NR3C2: variants seen among roughly 807,000 people sequenced by gnomAD.
The protein encoded by NR3C2 is mineralocorticoid receptor.
In NR3C2, 15 loss-of-function variants were observed where a neutral mutation model predicts 86.4. The ratio of observed to expected loss-of-function variants is 0.17; its 90% CI spans 0.12 to 0.27. NR3C2 has a LOEUF of 0.27. Among genes scored for constraint, NR3C2 ranks in the 10% least tolerant of loss-of-function variants. The pLI is 1.00. For missense variants in NR3C2, 960 were observed against 1,195.6 expected, an observed-to-expected ratio of 0.80 and a Z score of 2.91; for synonymous variants, 458 against 450.5, an observed-to-expected ratio of 1.02 and a Z score of -0.21.
chr4:148,140,487 T>G (rs1421808134), intron 6 of NR3C2, among the ~76,000 whole-genome samples: 1 of 152,212 alleles, frequency 6.6e-6, no homozygotes, highest in African/African-American at 2.4e-5. Flanking sequence ...TGAGCCGTTG[T>G]GCTACTACAC....
intron 8 of NR3C2, among the ~76,000 whole-genome samples, chr4:148,104,342 G>GATTTGGTT (rs1731686588): frequency 4.7e-5 from 3 of 63,794 alleles, no homozygotes; most frequent in African/African-American, 1.7e-4. Context: ...TTTTGGTTTG[G>GATTTGGTT]TTTTTTTTTT....
intron 2 of NR3C2, among the ~76,000 whole-genome samples, chr4:148,373,995 C>A (rs865788790): frequency 6.6e-6 from 1 of 152,158 alleles, no homozygotes; most frequent in Non-Finnish European, 1.5e-5. Context: ...GCACTCCAAG[C>A]CTTGCACAGA....
chr4:148,323,228 C>G (rs923861871), intron 2 of NR3C2, among the ~76,000 whole-genome samples: 13 of 139,324 alleles, frequency 9.3e-5, no homozygotes, highest in Non-Finnish European at 1.4e-4. Flanking sequence ...AGGTGGCAGT[C>G]TGCCCGTTCT....
intron 2 of NR3C2, among the ~76,000 whole-genome samples, chr4:148,359,627 A>C (rs1305772258): frequency 1.3e-5 from 2 of 152,230 alleles, no homozygotes; most frequent in Non-Finnish European, 1.5e-5. Context: ...CTTTTAAAAA[A>C]GGGGCTATGG....
rs1579237109 is a variant in NR3C2, at chr4:148,387,051, A to C, written c.1757+48053T>G. Among the ~76,000 whole-genome samples, 6 of 152,338 alleles carry C rather than the reference A, an allele frequency of 3.9e-5. 1 individual carries two copies. The highest frequency in any genetic ancestry group is 3.9e-4 in the Admixed American group (6 of 15,302). ...AAACTAAATATCTCAACCTCACTGCAGTTATGGATGGCAAAGAAACCTACT... is the reference window on the plus strand; with the variant it reads ...AAACTAAATATCTCAACCTCACTGCCGTTATGGATGGCAAAGAAACCTACT... On this transcript the variant is annotated intron_variant, in intron 2 of 8. Coordinates refer to ENST00000358102, the MANE Select transcript of NR3C2 (RefSeq NM_000901.5).
At chr4:148,176,093 A>G (rs1735363077) in intron 4 of NR3C2, among the ~76,000 whole-genome samples, 1 of 152,226 alleles carries the variant, frequency 6.6e-6, no homozygotes, top group Non-Finnish European at 1.5e-5. Context: ...TAATGTGTCA[A>G]GGTGGTTCCA....
intron 2 of NR3C2, among the ~76,000 whole-genome samples, chr4:148,277,472 T>C (rs2149892451): frequency 6.6e-6 from 1 of 152,242 alleles, no homozygotes; most frequent in South Asian, 2.1e-4. Flanking sequence ...GCCCAGCTAC[T>C]GGGGAGGCTG....
chr4:148,444,011 G>T (rs1412103150), upstream of NR3C2: 1 of 985,230 alleles, frequency 1.0e-6, no homozygotes, highest in East Asian at 1.1e-4. Flanking sequence ...CGGCGTCCCC[G>T]CAGCCAGGAG....
chr4:148,385,042 G>A (rs1747195268), intron 2 of NR3C2, among the ~76,000 whole-genome samples: 1 of 152,168 alleles, frequency 6.6e-6, no homozygotes, highest in South Asian at 2.1e-4. Context: ...GGTGTTTGTG[G>A]ACCATCAGGA....
chr4:148,111,296 A>G (rs771366354), intron 8 of NR3C2, among the ~76,000 whole-genome samples: 6 of 152,194 alleles, frequency 3.9e-5, no homozygotes, highest in Non-Finnish European at 8.8e-5. Context: ...CAGCTATTAG[A>G]ATGGCTGAAA....
chr4:148,266,996 T>C (rs1740429628), intron 2 of NR3C2, among the ~76,000 whole-genome samples: 1 of 152,168 alleles, frequency 6.6e-6, no homozygotes, highest in African/African-American at 2.4e-5. Context: ...ACCTGATAGT[T>C]GCAGAACAGT....
chr4:148,439,833 A>G (rs115099432), intron 1 of NR3C2, among the ~76,000 whole-genome samples: 2,036 of 152,350 alleles, frequency 0.013, 49 homozygotes, highest in African/African-American at 0.045. Flanking sequence ...AGGCTACGGA[A>G]GACCTGAAGA....
chr4:148,179,444 A>G (rs1002259484), intron 4 of NR3C2, among the ~76,000 whole-genome samples: 1 of 151,744 alleles, frequency 6.6e-6, no homozygotes, highest in Non-Finnish European at 1.5e-5. Flanking sequence ...TGTATACCCA[A>G]TTTTTCCAAC....
At chr4:148,109,302 C>T (rs948429478) in intron 8 of NR3C2, among the ~76,000 whole-genome samples, 3 of 152,208 alleles carry the variant, frequency 2.0e-5, no homozygotes, top group African/African-American at 7.2e-5. Flanking sequence ...GCCCTGTGAC[C>T]TCCAGGTGCT....
At chr4:148,241,159 A>G (rs971658210) in intron 3 of NR3C2, among the ~76,000 whole-genome samples, 4 of 151,724 alleles carry the variant, frequency 2.6e-5, no homozygotes, top group African/African-American at 9.7e-5. Context: ...TACAAAAATT[A>G]GCTAGGCATG....
Position 148,241,935 on chromosome 4 carries a change from G to A in NR3C2, c.1897+18043C>T, listed in dbSNP as rs1438728489. On this transcript the variant is annotated intron_variant, in intron 3 of 8. Coordinates refer to ENST00000358102, the MANE Select transcript of NR3C2 (RefSeq NM_000901.5). ...AAGAACATTATGCTAAGCTAAATAA[G>A]CCAGTCAAAAAAGGACAAATGTTGT... Among the ~76,000 whole-genome samples, 5 of 152,050 alleles carry A rather than the reference G, an allele frequency of 3.3e-5. No individual in the cohort carries two copies. In the East Asian group the frequency reaches 9.7e-4, roughly 29 times the overall value.
At chr4:148,371,270 G>A (rs530832268) in intron 2 of NR3C2, among the ~76,000 whole-genome samples, 1 of 152,088 alleles carries the variant, frequency 6.6e-6, no homozygotes, top group Admixed American at 6.6e-5. Flanking sequence ...GAAATACTAG[G>A]TCTTATTCAT....
Position 148,081,562 on chromosome 4 carries a change from C to A in NR3C2, c.2800-63G>T, listed in dbSNP as rs113585769. On this transcript the variant is annotated intron_variant, in intron 8 of 8. Transcript: ENST00000358102. ...CCTTTCCGACCCTGGATCCCTCTGCCTTCTGACTTTGGTGGGAACTCAAAT... is the reference window on the plus strand; with the variant it reads ...CCTTTCCGACCCTGGATCCCTCTGCATTCTGACTTTGGTGGGAACTCAAAT... 1.3e-4 allele frequency: 203 copies of A among 1,609,592 alleles called. 3 individuals are homozygous for A. Among genetic ancestry groups the A allele is most frequent in the South Asian group, 1.2e-3 (106 of 90,728 alleles).
rs543772794 is a variant in NR3C2, at chr4:148,128,287, C to T, written c.2511-7999G>A. ...GTCCATTGAGCCTATCAGCCAATGG[C>T]TGTCAGAAGGAACACTCTTGTTTTG... On this transcript the variant is annotated intron_variant, in intron 6 of 8. Transcript: ENST00000358102. 1.2e-3 allele frequency among the ~76,000 whole-genome samples: 179 copies of T among 152,312 alleles called. 1 individual carries two copies. The highest frequency in any genetic ancestry group is 3.4e-3 in the Middle Eastern group (1 of 294).
Sources: gnomAD v4.1 joint callset for allele counts (sites outside exome capture counted in the v4.1 genomes callset) on GRCh38, gnomAD v4.1.1 for gene constraint, MANE v1.5 for transcripts, NCBI Gene and HGNC (gene_info 2026-07-23, HGNC 2026-07-21) for gene names.